Variants in MACF1 observed in about 807,000 individuals in gnomAD.
The protein encoded by MACF1 is microtubule actin crosslinking factor 1.
Under a neutral mutation model 854.8 loss-of-function variants are expected in MACF1, and 193 were observed. The ratio of observed to expected loss-of-function variants is 0.23; its 90% CI spans 0.20 to 0.25. The LOEUF (loss-of-function observed/expected upper bound fraction) is 0.25. Ranked by LOEUF, MACF1 falls within the 10% of genes least tolerant of loss-of-function variation. The pLI, the probability that MACF1 is intolerant of heterozygous loss-of-function variation, is 1.00. For synonymous variants in MACF1, 3,185 were observed against 3,226.7 expected, an observed-to-expected ratio of 0.99 and a Z score of 0.44; for missense variants, 7,722 against 8,929.1, an observed-to-expected ratio of 0.86 and a Z score of 5.45.
At chr1:39,337,041 C>T (rs2148476753) in intron 37 of MACF1, 141 bp from the exon 38 acceptor site, 1 of 732,272 alleles carries the variant, frequency 1.4e-6, no homozygotes, top group East Asian at 2.7e-5. Flanking sequence ...TTTGAAATGA[C>T]TTAAACAAAG....
chr1:39,477,812 C>A (rs183349151), intron 97 of MACF1, among the ~76,000 whole-genome samples: 8 of 152,090 alleles, frequency 5.3e-5, no homozygotes, highest in African/African-American at 1.9e-4. Context: ...ATGCTAATTA[C>A]AGTCAGCTGC....
chr1:39,454,215 G>C (rs530651921), intron 88 of MACF1, among the ~76,000 whole-genome samples: 1 of 152,282 alleles, frequency 6.6e-6, no homozygotes, highest in Admixed American at 6.5e-5. Flanking sequence ...ATGTTGGTGG[G>C]GTCCACATTC....
At chr1:39,368,493 T>G (rs1343350419) in intron 50 of MACF1, among the ~76,000 whole-genome samples, 179 bp downstream of exon 50, 1 of 152,122 alleles carries the variant, frequency 6.6e-6, no homozygotes, top group African/African-American at 2.4e-5. Context: ...TACTTGATGC[T>G]TAGTGGTTTT....
intron 65 of MACF1, 121 bp from the exon 66 acceptor site, chr1:39,430,581 T>C (rs1179351984): frequency 1.6e-5 from 12 of 727,636 alleles, no homozygotes; most frequent in Non-Finnish European, 2.5e-5. Context: ...AAAAAATAAC[T>C]GAAGGAAGGA....
At chr1:39,347,259 C>G (rs763751422) in intron 41 of MACF1, 49 bp downstream of exon 41, 17 of 1,393,242 alleles carry the variant, frequency 1.2e-5, no homozygotes, top group South Asian at 3.5e-5. Flanking sequence ...GGGATGTCCT[C>G]TGTCATTGGG....
Position 39,337,240 on chromosome 1 carries a change from C to G in MACF1, c.10124C>G (p.Ser3375Cys), listed in dbSNP as rs575254002. Residue 3375 changes from serine to cysteine, a missense_variant, in exon 38 of 101, where the codon TCT (serine) becomes TGT (cysteine). Ser to Cys is a moderately radical substitution (Grantham distance 112). Coordinates refer to ENST00000564288, the MANE Select transcript of MACF1 (RefSeq NM_001394062.1). ...EHDEKLVSYLSLLRNIEMRTK... is the reference protein window; with the variant it reads ...EHDEKLVSYLCLLRNIEMRTK... ...GATGAAAAGCTAGTATCCTATCTGT[C>G]TCTGTTACGGAACATTGAAATGAGG... The G allele has an allele frequency of 6.2e-7, 1 of 1,614,024 alleles. No homozygotes were observed. Among genetic ancestry groups the G allele is most frequent in the Admixed American group, 1.7e-5 (1 of 60,012 alleles).
intron 58 of MACF1, chr1:39,411,404 C>T (rs1642997463): frequency 1.2e-6 from 2 of 1,614,054 alleles, no homozygotes; most frequent in Non-Finnish European, 1.7e-6. Context: ...GATTGCTTAG[C>T]TGCTGTCTTG....
Position 39,310,784 on chromosome 1 carries a change from A to T in MACF1, c.3101-47A>T, listed in dbSNP as rs746446027. The T allele has an allele frequency of 2.6e-6, 4 of 1,548,862 alleles. No individual in the cohort carries two copies. The South Asian group carries it at 4.9e-5, about 19-fold the overall frequency. ...CATTAGTAGGATATCAGGTCTGCTT[A>T]TCTCTGATGTCGAGCTTACTGGTCT... On this transcript the variant is annotated intron_variant, in intron 25 of 100. Transcript: ENST00000564288.
chr1:39,293,259 A>G (rs541709266), intron 17 of MACF1, among the ~76,000 whole-genome samples, 199 bp from the exon 18 acceptor site: 1 of 152,316 alleles, frequency 6.6e-6, no homozygotes, highest in Non-Finnish European at 1.5e-5. Flanking sequence ...GGCCTTATGA[A>G]TTCTGTTTTC....
intron 34 of MACF1, 43 bp from the exon 35 acceptor site, chr1:39,324,603 T>G: frequency 6.7e-7 from 1 of 1,494,234 alleles, no homozygotes; most frequent in African/African-American, 1.4e-5. Context: ...TGACTCTTAA[T>G]TCTTGGGTTT....
At chr1:39,376,047 T>A (rs1246524385) in intron 52 of MACF1, among the ~76,000 whole-genome samples, 1 of 152,202 alleles carries the variant, frequency 6.6e-6, no homozygotes, top group Non-Finnish European at 1.5e-5. Flanking sequence ...TTGAATATCA[T>A]AAATTGCTGG....
chr1:39,280,314 A>G (rs140721621), intron 6 of MACF1, among the ~76,000 whole-genome samples: 1 of 152,328 alleles, frequency 6.6e-6, no homozygotes, highest in East Asian at 1.9e-4. Context: ...AACCAGCACA[A>G]CACTAAGTGC....
At position 39,447,528 on chromosome 1, in the gene MACF1, A is replaced by G. The variant is rs1327163962; in HGVS notation, c.19702A>G (p.Ile6568Val). The change falls in exon 81 of 101, where the codon ATC becomes GTC. Residue 6568 changes from isoleucine to valine, a missense_variant. Ile to Val is a conservative substitution (Grantham distance 29, BLOSUM62 3). Around this residue, in one of 15 missense-constraint regions of MACF1, gnomAD observed 729 missense variants for 900.5 expected, o/e 0.81. Transcript: ENST00000564288. ...WLTLAEQSLN[I>V]ASPPSLILNT... ...CACTCTAGCAGAGCAGAGTTTAAAC[A>G]TCGCTTCTCCACCAAGCCTGATTCT... 2 of 1,614,070 alleles carry G rather than the reference A, an allele frequency of 1.2e-6. No individual in the cohort carries two copies. The highest frequency in any genetic ancestry group is 1.7e-6 in the Non-Finnish European group (2 of 1,180,032).
intron 2 of MACF1, among the ~76,000 whole-genome samples, chr1:39,094,214 G>A (rs1641881026): frequency 6.6e-6 from 1 of 152,066 alleles, no homozygotes; most frequent in Non-Finnish European, 1.5e-5. Flanking sequence ...AGAGGCCAAG[G>A]TGGGAGGCTC....
chr1:39,439,374 A>G lies in MACF1; in HGVS notation c.18321A>G (p.Ala6107=). Residue 6107 remains alanine, a synonymous_variant, in exon 72 of 101, where the codon GCA becomes GCG. Transcript: ENST00000564288. ...AATTTCTTGATGTCCTTGAATTAGC[A>G]GAGAAGTTCTGGTATGACATGGCAG... The part of the protein sequence containing the change: ...EIKFLDVLEL[A]EKFWYDMAAL... 4 of 1,614,130 alleles carry G rather than the reference A, an allele frequency of 2.5e-6. No homozygotes were observed. Among genetic ancestry groups the G allele is most frequent in the South Asian group, 1.1e-5 (1 of 91,080 alleles).
intron 58 of MACF1, among the ~76,000 whole-genome samples, chr1:39,393,191 AAAAAAAT>A (rs1288644761): frequency 4.9e-5 from 5 of 102,560 alleles, no homozygotes; most frequent in African/African-American, 2.4e-4. Flanking sequence ...TAAAAAAAAA[AAAAAAAT>A]ATATATATAT....
intron 58 of MACF1, among the ~76,000 whole-genome samples, chr1:39,408,901 A>G (rs1424950659): frequency 1.4e-5 from 2 of 143,586 alleles, no homozygotes; most frequent in African/African-American, 5.2e-5. Context: ...CGCTCCCTCC[A>G]CTCTCGGAGT....
At chr1:39,251,578 T>C (rs1340712591) in intron 3 of MACF1, among the ~76,000 whole-genome samples, 2 of 152,220 alleles carry the variant, frequency 1.3e-5, no homozygotes, top group Non-Finnish European at 2.9e-5. Flanking sequence ...TGACAGTTAT[T>C]CTCACCATGT....
chr1:39,355,291 G>T (rs597708), intron 44 of MACF1, among the ~76,000 whole-genome samples: 1 of 151,936 alleles, frequency 6.6e-6, no homozygotes, highest in Non-Finnish European at 1.5e-5. Flanking sequence ...TCAACCTAAT[G>T]AAGTGGTATC....
Sources: allele counts gnomAD v4.1 joint callset (sites outside exome capture counted in the v4.1 genomes callset), GRCh38; gene constraint gnomAD v4.1.1; regional missense constraint gnomAD v4.1.1; transcripts MANE v1.5; gene names NCBI Gene and HGNC (gene_info 2026-07-23, HGNC 2026-07-21).